ITGAM: variants seen among roughly 807,000 people sequenced by gnomAD.
ITGAM encodes the protein integrin subunit alpha M.
ITGAM carries 79 observed loss-of-function variants against 137.5 expected under a neutral mutation model. The observed-to-expected ratio is 0.57, with a 90% CI of 0.48 to 0.69. The LOEUF (loss-of-function observed/expected upper bound fraction) is 0.69, where lower values mean the gene tolerates loss of function less well. Among genes scored for constraint, ITGAM ranks in the 30% least tolerant of loss-of-function variants. The pLI is 0.00. For missense variants in ITGAM, 1,343 were observed against 1,483.5 expected, an observed-to-expected ratio of 0.91 and a Z score of 1.56; for synonymous variants, 583 against 592.3, an observed-to-expected ratio of 0.98 and a Z score of 0.23.
rs2080550817 is a variant in ITGAM at position 31,329,323 on chromosome 16, G to C, written c.2868+20G>C. On this transcript the variant is annotated intron_variant, in intron 24 of 29. Coordinates refer to ENST00000544665, the MANE Select transcript of ITGAM (RefSeq NM_000632.4). Reference sequence around the variant, plus strand: ...TATCAGGTGGGCAGCTGGGACGTCTGGGTCCTGAGAAGGAGGCTGGGGAGG... The same window carrying C: ...TATCAGGTGGGCAGCTGGGACGTCTCGGTCCTGAGAAGGAGGCTGGGGAGG... 6.4e-7 allele frequency: 1 copy of C among 1,567,522 alleles called. No individual in the cohort carries two copies. The highest frequency in any genetic ancestry group is 8.8e-7 in the Non-Finnish European group (1 of 1,138,792).
intron 12 of ITGAM, among the ~76,000 whole-genome samples, chr16:31,293,875 A>C (rs2080109033): frequency 6.6e-6 from 1 of 152,106 alleles, no homozygotes; most frequent in Admixed American, 6.6e-5. Context: ...TGAGCATGAG[A>C]TGTTTTACCA....
chr16:31,278,366 G>A (rs929393172), intron 12 of ITGAM, among the ~76,000 whole-genome samples: 1 of 152,104 alleles, frequency 6.6e-6, no homozygotes, highest in African/African-American at 2.4e-5. Flanking sequence ...TATTCAACCC[G>A]TATATAACCA....
At chr16:31,326,413 T>C (rs901067840) in intron 21 of ITGAM, among the ~76,000 whole-genome samples, 7 of 152,184 alleles carry the variant, frequency 4.6e-5, no homozygotes, top group Admixed American at 2.0e-4. Flanking sequence ...AAATTGTTTT[T>C]AAATTTTTTA....
At chr16:31,310,118 G>C (rs192586153) in intron 14 of ITGAM, among the ~76,000 whole-genome samples, 7 of 151,392 alleles carry the variant, frequency 4.6e-5, no homozygotes, top group African/African-American at 1.7e-4. Flanking sequence ...CTCTCTGGCT[G>C]CCCTTAACAT....
At chr16:31,323,600 T>C (rs1000186565) in intron 16 of ITGAM, among the ~76,000 whole-genome samples, 16 of 152,190 alleles carry the variant, frequency 1.1e-4, no homozygotes, top group African/African-American at 3.9e-4. Flanking sequence ...ATAAATTTTT[T>C]AGTGAGTGAC....
chr16:31,275,386 G>A (rs1438167204), intron 8 of ITGAM, among the ~76,000 whole-genome samples, 163 bp from the exon 9 acceptor site: 1 of 152,194 alleles, frequency 6.6e-6, no homozygotes, highest in Non-Finnish European at 1.5e-5. Context: ...CTTGTGCAGT[G>A]TACAACCTGC....
intron 14 of ITGAM, among the ~76,000 whole-genome samples, chr16:31,315,745 C>A (rs1273606552): frequency 6.6e-6 from 1 of 152,214 alleles, no homozygotes; most frequent in East Asian, 1.9e-4. Flanking sequence ...AGGCGTGAGC[C>A]ACTGCACCCG....
At chr16:31,272,034 C>A (rs1292074984) in intron 7 of ITGAM, 42 bp downstream of exon 7, 1 of 1,612,072 alleles carries the variant, frequency 6.2e-7, no homozygotes, top group East Asian at 2.2e-5. Context: ...GAGGAGGAGA[C>A]ACTTTTAGCT....
At chr16:31,314,865 C>T (rs1239447686) in intron 14 of ITGAM, among the ~76,000 whole-genome samples, 1 of 149,596 alleles carries the variant, frequency 6.7e-6, no homozygotes, top group African/African-American at 2.5e-5. Context: ...GTCTGTCACC[C>T]AGGCTGGAGT....
intron 12 of ITGAM, among the ~76,000 whole-genome samples, chr16:31,292,813 G>T (rs1341631563): frequency 6.6e-6 from 1 of 152,050 alleles, no homozygotes; most frequent in African/African-American, 2.4e-5. Context: ...TGGTAGTTCT[G>T]CTTTTAGCTC....
chr16:31,295,465 T>C (rs1311082157), intron 12 of ITGAM, among the ~76,000 whole-genome samples: 5 of 151,886 alleles, frequency 3.3e-5, no homozygotes, highest in Admixed American at 2.6e-4. Context: ...GTAAATGAGA[T>C]TGTTTCTTGA....
intron 14 of ITGAM, among the ~76,000 whole-genome samples, chr16:31,308,183 C>T (rs1360260973): frequency 6.6e-6 from 1 of 152,136 alleles, no homozygotes; most frequent in Admixed American, 6.6e-5. Context: ...AGGGAGGATT[C>T]CCTCTTTTTC....
intron 14 of ITGAM, among the ~76,000 whole-genome samples, chr16:31,311,354 T>A (rs1008667961): frequency 1.1e-4 from 16 of 152,180 alleles, no homozygotes; most frequent in Admixed American, 7.2e-4. Context: ...GGCAACCTAC[T>A]GAATGGGAGA....
At chr16:31,307,436 T>A (rs2080276626) in intron 14 of ITGAM, among the ~76,000 whole-genome samples, 1 of 152,238 alleles carries the variant, frequency 6.6e-6, no homozygotes, top group Admixed American at 6.5e-5. Flanking sequence ...ACTCATGATT[T>A]GGCTCTCTGT....
intron 5 of ITGAM, among the ~76,000 whole-genome samples, chr16:31,268,760 G>A (rs970994565): frequency 6.6e-6 from 1 of 152,108 alleles, no homozygotes; most frequent in Admixed American, 6.6e-5. Context: ...CTCCATCGCC[G>A]TCACATACGT....
chr16:31,329,073 T>TCGCCCCCC, intron 23 of ITGAM, 155 bp from the exon 24 acceptor site: 1 of 426,236 alleles, frequency 2.3e-6, no homozygotes, highest in South Asian at 2.1e-5. Flanking sequence ...ACACATTGGT[T>TCGCCCCCC]CCCCCATCCC....
intron 12 of ITGAM, among the ~76,000 whole-genome samples, chr16:31,279,439 G>A (rs1441072638): frequency 1.3e-5 from 2 of 152,196 alleles, no homozygotes; most frequent in Admixed American, 6.5e-5. Flanking sequence ...TCTAACTGGT[G>A]TGAGATAGTA....
At chr16:31,292,027 T>C (rs1283069957) in intron 12 of ITGAM, among the ~76,000 whole-genome samples, 1 of 152,078 alleles carries the variant, frequency 6.6e-6, no homozygotes, top group Non-Finnish European at 1.5e-5. Context: ...CATTGTATGC[T>C]TGTATAAAAA....
At chr16:31,291,817 G>A (rs1271301048) in intron 12 of ITGAM, among the ~76,000 whole-genome samples, 1 of 151,994 alleles carries the variant, frequency 6.6e-6, no homozygotes, top group Non-Finnish European at 1.5e-5. Flanking sequence ...GGGTAAAGAG[G>A]GGATGGTTAA....
Sources: gnomAD v4.1 joint callset for allele counts (sites outside exome capture counted in the v4.1 genomes callset) on GRCh38, gnomAD v4.1.1 for gene constraint, MANE v1.5 for transcripts, NCBI Gene and HGNC (gene_info 2026-07-23, HGNC 2026-07-21) for gene names.